Variants in MSN observed in about 807,000 individuals in gnomAD.
The protein encoded by MSN is moesin, also known as epididymis luminal protein 70.
In MSN, 2 loss-of-function variants were observed where a neutral mutation model predicts 48.0. That is an observed-to-expected ratio of 0.04 (90% CI 0.02 to 0.13). The LOEUF (loss-of-function observed/expected upper bound fraction) is 0.13. Ranked by LOEUF, MSN falls within the 10% of genes least tolerant of loss-of-function variation. The pLI, the probability that MSN is intolerant of heterozygous loss-of-function variation, is 1.00. For synonymous variants in MSN, 146 were observed against 166.9 expected (o/e 0.87, Z 0.97); for missense variants, 267 against 470.1 (o/e 0.57, Z 3.99).
intron 3 of MSN, among the ~76,000 whole-genome samples, chrX:65,728,380 G>A (rs1225483440): frequency 1.8e-5 from 2 of 111,274 alleles, no homozygotes; most frequent in African/African-American, 3.3e-5. Flanking sequence ...TGCAAGCTCC[G>A]CCTCCTGGGT....
At chrX:65,610,569 C>T (rs1190164094) in intron 1 of MSN, among the ~76,000 whole-genome samples, 1 of 112,067 alleles carries the variant, frequency 8.9e-6, no homozygotes, top group Non-Finnish European at 1.9e-5. Flanking sequence ...TGAACATTGG[C>T]ATACAGGTAT....
At chrX:65,732,384 A>G (rs1001036817) in intron 6 of MSN, among the ~76,000 whole-genome samples, 4 of 112,852 alleles carry the variant, frequency 3.5e-5, no homozygotes, top group Admixed American at 2.8e-4. Context: ...AACTAAACTT[A>G]CTATAATTTT....
At chrX:65,676,477 G>A (rs866285597) in intron 1 of MSN, among the ~76,000 whole-genome samples, 1 of 112,213 alleles carries the variant, frequency 8.9e-6, no homozygotes, top group Middle Eastern at 4.6e-3. Flanking sequence ...CTTCTACCTT[G>A]TGGGAATTTG....
At chrX:65,732,469 T>C (rs1032883595) in intron 6 of MSN, among the ~76,000 whole-genome samples, 1 of 112,273 alleles carries the variant, frequency 8.9e-6, no homozygotes, top group Non-Finnish European at 1.9e-5. Context: ...ACAGTCATTA[T>C]GTTTTTATTG....
intron 1 of MSN, among the ~76,000 whole-genome samples, chrX:65,606,090 G>A (rs1264196863): frequency 9.3e-6 from 1 of 107,872 alleles, no homozygotes; most frequent in Non-Finnish European, 1.9e-5. Context: ...CTACAAGTAT[G>A]CACCACCATA....
At chrX:65,727,780 A>G (rs1317963495) in intron 2 of MSN, 34 bp from the exon 3 acceptor site, 7 of 1,120,434 alleles carry the variant, frequency 6.2e-6, no homozygotes, top group Non-Finnish European at 8.6e-6. Flanking sequence ...GAAGTATTCA[A>G]TCAATGGTTG....
intron 1 of MSN, among the ~76,000 whole-genome samples, chrX:65,661,686 C>A (rs769257593): frequency 8.9e-6 from 1 of 112,007 alleles, no homozygotes; most frequent in East Asian, 2.8e-4. Flanking sequence ...TTCAGTAGAA[C>A]TGGTACCAGT....
intron 1 of MSN, among the ~76,000 whole-genome samples, chrX:65,697,743 G>C (rs2071259784): frequency 8.9e-6 from 1 of 112,504 alleles, no homozygotes; most frequent in Non-Finnish European, 1.9e-5. Context: ...AATCAAGGAA[G>C]AACATTGGCA....
intron 1 of MSN, among the ~76,000 whole-genome samples, chrX:65,713,965 A>G (rs1375619506): frequency 9.0e-6 from 1 of 111,535 alleles, no homozygotes; most frequent in Non-Finnish European, 1.9e-5. Flanking sequence ...TTTTTAGTAG[A>G]GATGGGGTTT....
intron 1 of MSN, among the ~76,000 whole-genome samples, chrX:65,647,843 C>A (rs1221374400): frequency 1.8e-5 from 2 of 111,958 alleles, no homozygotes; most frequent in Admixed American, 9.5e-5. Flanking sequence ...GCCATGACAA[C>A]GATTCTTTTC....
At chrX:65,637,748 G>C (rs931347552) in intron 1 of MSN, among the ~76,000 whole-genome samples, 2 of 109,424 alleles carry the variant, frequency 1.8e-5, no homozygotes, top group African/African-American at 6.7e-5. Flanking sequence ...GCTGGTCTTG[G>C]ACTCCTGGGC....
chrX:65,620,993 T>C (rs2148360280), intron 1 of MSN, among the ~76,000 whole-genome samples: 1 of 108,066 alleles, frequency 9.3e-6, no homozygotes, highest in East Asian at 2.9e-4. Context: ...TGGTGTGATC[T>C]CGGCTCACGG....
intron 1 of MSN, among the ~76,000 whole-genome samples, chrX:65,708,583 G>A (rs768055364): frequency 3.6e-5 from 4 of 111,834 alleles, no homozygotes; most frequent in Admixed American, 9.5e-5. Flanking sequence ...GTGAGCCACC[G>A]TGCTTGGCGG....
Position 65,730,544 on chromosome X carries a change from C to A in MSN, c.468-563C>A, listed in dbSNP as rs964833875. On this transcript the variant is annotated intron_variant, in intron 4 of 12. Coordinates refer to ENST00000360270, the MANE Select transcript of MSN (RefSeq NM_002444.3). The stretch of plus-strand genomic sequence containing the variant: ...TGTACCCTGGGGACTCTACCTGAGT[C>A]ATTGCCATGATATCTGAGATGGCAT... Among the ~76,000 whole-genome samples, 4 of 110,230 alleles carry A rather than the reference C, an allele frequency of 3.6e-5. No individual in the cohort carries two copies. The Admixed American group carries it at 3.9e-4, about 11-fold the overall frequency.
At chrX:65,588,780 AC>A in intron 1 of MSN, 2 of 231,335 alleles carry the variant, frequency 8.6e-6, no homozygotes, top group Non-Finnish European at 1.3e-5. Context: ...TTTGACCCCC[AC>A]CCCCCAACCA....
At chrX:65,615,390 T>C (rs1223641134) in intron 1 of MSN, among the ~76,000 whole-genome samples, 2 of 109,697 alleles carry the variant, frequency 1.8e-5, no homozygotes, top group African/African-American at 3.5e-5. Flanking sequence ...TTTTAATGAT[T>C]GCCATTCTAA....
intron 1 of MSN, among the ~76,000 whole-genome samples, chrX:65,691,171 G>A (rs1044809135): frequency 5.4e-5 from 6 of 111,862 alleles, no homozygotes; most frequent in Non-Finnish European, 7.5e-5. Flanking sequence ...TTCCTACTAG[G>A]TGGGGAACCC....
At chrX:65,677,841 G>A (rs756180871) in intron 1 of MSN, among the ~76,000 whole-genome samples, 1 of 111,617 alleles carries the variant, frequency 9.0e-6, no homozygotes, top group Non-Finnish European at 1.9e-5. Flanking sequence ...TGGTGCCTGG[G>A]CCATTGTAGA....
intron 9 of MSN, 65 bp from the exon 10 acceptor site, chrX:65,737,113 C>T (rs878890560): frequency 2.9e-5 from 33 of 1,148,772 alleles, no homozygotes; most frequent in South Asian, 4.0e-5. Flanking sequence ...TTTCCAGGAA[C>T]GAAGCTATTG....
Sources: allele counts gnomAD v4.1 joint callset (sites outside exome capture counted in the v4.1 genomes callset), GRCh38; gene constraint gnomAD v4.1.1; transcripts MANE v1.5; gene names NCBI Gene and HGNC (gene_info 2026-07-23, HGNC 2026-07-21).